KLF13: variants seen among roughly 807,000 people sequenced by gnomAD.
The protein encoded by KLF13 is Krueppel-like factor 13.
Under a neutral mutation model 16.7 loss-of-function variants are expected in KLF13, and 8 were observed. The ratio of observed to expected loss-of-function variants is 0.48; its 90% CI spans 0.28 to 0.87. The LOEUF is 0.87. KLF13 is among the 40% of genes least tolerant of loss of function. The pLI is 0.10. For synonymous variants in KLF13, 245 were observed against 208.4 expected (o/e 1.18, Z -1.51); for missense variants, 447 against 452.2 (o/e 0.99, Z 0.10).
intron 1 of KLF13, among the ~76,000 whole-genome samples, chr15:31,333,803 A>T (rs1386115132): frequency 1.3e-5 from 2 of 152,082 alleles, no homozygotes; most frequent in Admixed American, 6.6e-5. Flanking sequence ...TTATTATGTT[A>T]CGCTGGCATT....
chr15:31,340,120 C>T (rs2038997511), intron 1 of KLF13: 1 of 690,678 alleles, frequency 1.4e-6, no homozygotes, highest in Non-Finnish European at 2.6e-6. Context: ...TCGTTGTAGG[C>T]CTGCAGGTCT....
Position 31,327,130 on chromosome 15 carries a change from CGCCCGCT to C in KLF13, c.-82_-76del. On this transcript the variant is annotated 5_prime_UTR_variant, in exon 1 of 2. Transcript: ENST00000307145. ...GAGGGCGCGCCGCGCCCCCGCCCCC[CGCCCGCT>C]CTCCCGAGGCCGTGGGTGCGGATGC... is the stretch of plus-strand genomic sequence containing the variant. The C allele has an allele frequency of 8.6e-7, 1 of 1,161,768 alleles. No individual in the cohort carries two copies. The highest frequency in any genetic ancestry group is 1.1e-6 in the Non-Finnish European group (1 of 934,758). 72.0% of individuals were successfully genotyped at this position (1,161,768 alleles called of 1,614,324 possible).
At chr15:31,424,591 A>T (rs1194387607) in intron 1 of KLF13, among the ~76,000 whole-genome samples, 1 of 152,188 alleles carries the variant, frequency 6.6e-6, no homozygotes, top group African/African-American at 2.4e-5. Flanking sequence ...CATGATAAAA[A>T]CACCTGACAA....
chr15:31,396,251 G>A (rs1235516483), intron 2 of KLF13, among the ~76,000 whole-genome samples: 5 of 152,120 alleles, frequency 3.3e-5, no homozygotes, highest in Admixed American at 2.0e-4. Flanking sequence ...TCAAACTCCC[G>A]ACTTCAGGTG....
chr15:31,344,551 G>C (rs942199877), intron 1 of KLF13, among the ~76,000 whole-genome samples: 8 of 152,252 alleles, frequency 5.3e-5, no homozygotes, highest in African/African-American at 1.9e-4. Flanking sequence ...TTCACCTGCT[G>C]CTTAGGAGCT....
At chr15:31,379,582 GCC>G (rs2039699029), downstream of KLF13, among the ~76,000 whole-genome samples, 1 of 152,190 alleles carries the variant, frequency 6.6e-6, no homozygotes, top group South Asian at 2.1e-4. Context: ...GCCTTCAGAG[GCC>G]CCCGGTAATG....
intron 1 of KLF13, among the ~76,000 whole-genome samples, chr15:31,328,787 T>G (rs369544345): frequency 7.9e-5 from 12 of 152,224 alleles, no homozygotes; most frequent in African/African-American, 2.9e-4. Context: ...AATATTTTAA[T>G]GGACGGCAAT....
At chr15:31,387,463 T>G (rs2039807268) in intron 1 of KLF13, among the ~76,000 whole-genome samples, 2 of 151,502 alleles carry the variant, frequency 1.3e-5, no homozygotes, top group African/African-American at 4.8e-5. Context: ...GACAGAATGC[T>G]ATTGCACACT....
intron 1 of KLF13, among the ~76,000 whole-genome samples, chr15:31,364,455 G>GC (rs1226061802): frequency 2.6e-5 from 4 of 152,204 alleles, no homozygotes; most frequent in Non-Finnish European, 2.9e-5. Flanking sequence ...GGGCACACCT[G>GC]CCCCCCATGT....
At chr15:31,415,419 T>A (rs1226507391) in intron 1 of KLF13, among the ~76,000 whole-genome samples, 1 of 152,234 alleles carries the variant, frequency 6.6e-6, no homozygotes, top group East Asian at 1.9e-4. Context: ...TTTAACAGAA[T>A]TGAAATAATA....
rs1468821923 is a variant in KLF13 at position 31,330,829 on chromosome 15, C to T, written c.577+3040C>T. ...AGCTCGTGCTACTTTATTATTTGGC[C>T]AATTAGAACTTCCGAGTCCAGACCT... On this transcript the variant is annotated intron_variant, in intron 1 of 1. Transcript: ENST00000307145. Among the ~76,000 whole-genome samples, 3 of 152,196 alleles carry T rather than the reference C, an allele frequency of 2.0e-5. No individual in the cohort carries two copies. In the South Asian group the frequency reaches 6.2e-4, roughly 31 times the overall value.
At chr15:31,392,212 C>A (rs997359205), upstream of KLF13, among the ~76,000 whole-genome samples, 1 of 152,362 alleles carries the variant, frequency 6.6e-6, no homozygotes, top group African/African-American at 2.4e-5. Context: ...TCAGATGACA[C>A]AAGGATGATG....
At chr15:31,403,028 G>A (rs1712323814) in intron 2 of KLF13, among the ~76,000 whole-genome samples, 1 of 152,214 alleles carries the variant, frequency 6.6e-6, no homozygotes, top group Non-Finnish European at 1.5e-5. Flanking sequence ...GCCAGGAAGG[G>A]CATGCTAGTC....
intron 1 of KLF13, among the ~76,000 whole-genome samples, chr15:31,385,703 C>T (rs2039788086): frequency 6.6e-6 from 1 of 152,204 alleles, no homozygotes; most frequent in Non-Finnish European, 1.5e-5. Flanking sequence ...ACCAACCTGC[C>T]TTTCCCTGTC....
upstream of KLF13, among the ~76,000 whole-genome samples, chr15:31,392,081 G>C (rs12902234): frequency 0.71 from 107,719 of 151,852 alleles, 39,051 homozygotes; most frequent in African/African-American, 0.86. Context: ...CCGACCCCCG[G>C]GTCGCGGTCT....
At chr15:31,409,170 A>G (rs2040162731), downstream of KLF13, among the ~76,000 whole-genome samples, 1 of 152,026 alleles carries the variant, frequency 6.6e-6, no homozygotes, top group Non-Finnish European at 1.5e-5. Context: ...CTGTAATCTC[A>G]GCTACTCGGG....
At chr15:31,413,199 A>AAAC (rs2040216203) in intron 1 of KLF13, among the ~76,000 whole-genome samples, 1 of 149,472 alleles carries the variant, frequency 6.7e-6, no homozygotes, top group Non-Finnish European at 1.5e-5. Context: ...AAAAAAAAAA[A>AAAC]AAACAAAAAA....
At chr15:31,367,876 C>T (rs940852750) in intron 1 of KLF13, among the ~76,000 whole-genome samples, 2 of 152,186 alleles carry the variant, frequency 1.3e-5, no homozygotes, top group Non-Finnish European at 2.9e-5. Flanking sequence ...CACACATTAC[C>T]GCAAACTGGG....
Position 31,372,406 on chromosome 15 carries a change from A to C in KLF13, c.*107A>C. The C allele has an allele frequency of 8.0e-7, 1 of 1,253,354 alleles. No homozygotes were observed. Among genetic ancestry groups the C allele is most frequent in the Non-Finnish European group, 1.0e-6 (1 of 970,608 alleles). The allele number at this position is 1,253,354 out of a possible 1,614,324, so 77.6% of individuals were successfully genotyped here. A position where few individuals can be genotyped will look rare whatever the true frequency, so the allele number is the denominator to read the frequency against. The stretch of plus-strand genomic sequence containing the variant: ...AACTTGATGCAAAGTCCACGAAAAA[A>C]CAATTTTTTTCACCTCAGGTGTCAA... On this transcript the variant is annotated 3_prime_UTR_variant, in exon 2 of 2. Coordinates refer to ENST00000307145, the MANE Select transcript of KLF13 (RefSeq NM_015995.4).
Sources: gnomAD v4.1 joint callset for allele counts (sites outside exome capture counted in the v4.1 genomes callset) on GRCh38, gnomAD v4.1.1 for gene constraint, MANE v1.5 for transcripts, NCBI Gene and HGNC (gene_info 2026-07-23, HGNC 2026-07-21) for gene names.